NCK2: variants seen among roughly 807,000 people sequenced by gnomAD.
The protein encoded by NCK2 is NCK adaptor protein 2.
NCK2 carries 16 observed loss-of-function variants against 33.9 expected under a neutral mutation model. That is an observed-to-expected ratio of 0.47 (90% confidence interval 0.32 to 0.72). The LOEUF (loss-of-function observed/expected upper bound fraction) is 0.72. Among genes scored for constraint, NCK2 ranks in the 30% least tolerant of loss-of-function variants. NCK2 has a pLI of 0.03. For synonymous variants in NCK2, 273 were observed against 239.9 expected (o/e 1.14, Z -1.27); for missense variants, 418 against 537.3 (o/e 0.78, Z 2.19).
At chr2:105,758,535 G>A (rs530409273) in intron 1 of NCK2, among the ~76,000 whole-genome samples, 4 of 150,008 alleles carry the variant, frequency 2.7e-5, no homozygotes, top group South Asian at 2.2e-4. Flanking sequence ...TCAGCCTCTC[G>A]AGTAGCTGGT....
intron 1 of NCK2, among the ~76,000 whole-genome samples, chr2:105,781,704 G>A (rs1177050965): frequency 6.6e-6 from 1 of 152,198 alleles, no homozygotes; most frequent in East Asian, 1.9e-4. Flanking sequence ...AAAGTACAGA[G>A]CCTGTGGCTT....
chr2:105,810,329 A>G (rs933868306), intron 1 of NCK2, among the ~76,000 whole-genome samples: 1 of 151,980 alleles, frequency 6.6e-6, no homozygotes, highest in Admixed American at 6.6e-5. Context: ...TGTGAGAGAG[A>G]GAGCGAGCGA....
intron 1 of NCK2, among the ~76,000 whole-genome samples, chr2:105,765,789 GTGT>G (rs1297768324): frequency 1.4e-5 from 2 of 143,810 alleles, no homozygotes. Flanking sequence ...AATAGGGGGT[GTGT>G]GTGTGTGTGT....
intron 1 of NCK2, among the ~76,000 whole-genome samples, chr2:105,767,378 A>G (rs1689984595): frequency 6.6e-6 from 1 of 152,134 alleles, no homozygotes; most frequent in Non-Finnish European, 1.5e-5. Flanking sequence ...ACAATAACCT[A>G]GTTAGTATTT....
intron 1 of NCK2, among the ~76,000 whole-genome samples, chr2:105,763,921 G>A (rs1272020434): frequency 6.6e-6 from 1 of 152,236 alleles, no homozygotes; most frequent in African/African-American, 2.4e-5. Flanking sequence ...TGGACTGTGT[G>A]AAGGTACATT....
Position 105,893,373 on chromosome 2 carries a change from C to A in NCK2, c.*197C>A, listed in dbSNP as rs891215574. The A allele has an allele frequency of 5.3e-6, 3 of 563,878 alleles. No individual in the cohort carries two copies. Among genetic ancestry groups the A allele is most frequent in the South Asian group, 4.8e-5 (2 of 41,914 alleles). The allele number at this position is 563,878 out of a possible 1,614,324, so 34.9% of individuals were successfully genotyped here. ...CCACACTCGAGCCCACCCGGCCGGC[C>A]AGCTTTAGAGGAGGGGAGGAGCAGG... On this transcript the variant is annotated 3_prime_UTR_variant, in exon 5 of 5. Coordinates refer to ENST00000233154, the MANE Select transcript of NCK2 (RefSeq NM_003581.5).
chr2:105,822,807 A>G (rs1222896964), intron 2 of NCK2, among the ~76,000 whole-genome samples: 2 of 152,010 alleles, frequency 1.3e-5, no homozygotes, highest in Non-Finnish European at 2.9e-5. Context: ...ATTCTCTTTA[A>G]TGCCAGGTGA....
intron 4 of NCK2, among the ~76,000 whole-genome samples, chr2:105,882,342 A>G (rs1678541180): frequency 6.6e-6 from 1 of 152,168 alleles, no homozygotes; most frequent in Admixed American, 6.5e-5. Flanking sequence ...AGGCTCAAAC[A>G]TCATTTTCTC....
intron 1 of NCK2, among the ~76,000 whole-genome samples, chr2:105,783,075 G>T (rs1029295456): frequency 2.0e-5 from 3 of 152,210 alleles, no homozygotes; most frequent in Admixed American, 2.0e-4. Context: ...CAAGATAGAT[G>T]GGGAAGCTGC....
chr2:105,847,640 G>T (rs978916121), intron 2 of NCK2, among the ~76,000 whole-genome samples: 22 of 152,216 alleles, frequency 1.4e-4, no homozygotes, highest in African/African-American at 3.4e-4. Context: ...GACACGCAGG[G>T]TACATCAGGG....
At chr2:105,837,915 T>G in intron 2 of NCK2, among the ~76,000 whole-genome samples, 2 of 152,244 alleles carry the variant, frequency 1.3e-5, no homozygotes, top group Non-Finnish European at 2.9e-5. Flanking sequence ...CTAATTGAGT[T>G]ATTGGTCTTT....
intron 4 of NCK2, among the ~76,000 whole-genome samples, chr2:105,889,645 C>G (rs1678888614): frequency 6.6e-6 from 1 of 150,756 alleles, no homozygotes; most frequent in Non-Finnish European, 1.5e-5. Flanking sequence ...GTGCAGTGGC[C>G]CTGTCATACC....
chr2:105,785,430 G>A (rs1373915609), intron 1 of NCK2, among the ~76,000 whole-genome samples: 2 of 152,250 alleles, frequency 1.3e-5, no homozygotes, highest in African/African-American at 2.4e-5. Context: ...TTGTCCTACA[G>A]GGAGACATGT....
At chr2:105,841,119 A>G (rs1676629113) in intron 2 of NCK2, among the ~76,000 whole-genome samples, 1 of 152,244 alleles carries the variant, frequency 6.6e-6, no homozygotes, top group Non-Finnish European at 1.5e-5. Context: ...AGATGACTGC[A>G]TAATTGTCTC....
rs1416309149 is a variant in NCK2, at chr2:105,894,018, C to CAT, written c.*843_*844insTA. The CAT allele has an allele frequency of 2.3e-5, 2 of 86,142 alleles. No homozygotes were observed. Among genetic ancestry groups the CAT allele is most frequent in the African/African-American group, 7.4e-5 (2 of 26,876 alleles). The allele number at this position is 86,142 out of a possible 1,614,324, so 5.3% of individuals were successfully genotyped here. A position where few individuals can be genotyped will look rare whatever the true frequency, so the allele number is the denominator to read the frequency against. On this transcript the variant is annotated 3_prime_UTR_variant, in exon 5 of 5. Coordinates refer to ENST00000233154, the MANE Select transcript of NCK2 (RefSeq NM_003581.5). ...ACACGTGCACACACACACACACACA[C>CAT]ACTATATATATATATATTATTTACA...
chr2:105,892,940 C>G (rs765278508), intron 4 of NCK2, 42 bp from the exon 5 acceptor site: 1 of 1,543,756 alleles, frequency 6.5e-7, no homozygotes, highest in Non-Finnish European at 8.9e-7. Flanking sequence ...ACACAGCTCC[C>G]CGCTGTGGCC....
intron 2 of NCK2, among the ~76,000 whole-genome samples, chr2:105,832,895 G>GT (rs1234453349): frequency 2.1e-5 from 3 of 142,322 alleles, no homozygotes; most frequent in Non-Finnish European, 3.1e-5. Flanking sequence ...GTTTTGTTTT[G>GT]TTTTTTGGAA....
At chr2:105,805,550 G>A (rs147983062) in intron 1 of NCK2, among the ~76,000 whole-genome samples, 12 of 151,336 alleles carry the variant, frequency 7.9e-5, no homozygotes, top group East Asian at 1.9e-4. Context: ...TAAATTTCCC[G>A]AACTTACTCA....
At chr2:105,795,777 A>G (rs1056789743) in intron 1 of NCK2, among the ~76,000 whole-genome samples, 1 of 152,114 alleles carries the variant, frequency 6.6e-6, no homozygotes, top group Admixed American at 6.5e-5. Context: ...CTCATGTTCA[A>G]CCAGGTATTT....
Sources: gnomAD v4.1 joint callset for allele counts (sites outside exome capture counted in the v4.1 genomes callset) on GRCh38, gnomAD v4.1.1 for gene constraint, MANE v1.5 for transcripts, NCBI Gene and HGNC (gene_info 2026-07-23, HGNC 2026-07-21) for gene names.